The following PDE4D variants were observed in gnomAD, a reference collection of about 807,000 sequenced individuals.
The protein encoded by PDE4D is 3',5'-cyclic-AMP phosphodiesterase 4D.
PDE4D carries 24 observed loss-of-function variants against 87.4 expected under a neutral mutation model. The ratio of observed to expected loss-of-function variants is 0.27; its 90% CI spans 0.20 to 0.39. The LOEUF (loss-of-function observed/expected upper bound fraction) is 0.39. PDE4D is among the 10% of genes least tolerant of loss of function. The probability of loss-of-function intolerance (pLI) is 1.00; values close to 1 mark genes in which losing one functional copy is unlikely to be tolerated. For synonymous variants in PDE4D, 384 were observed against 383.2 expected, an observed-to-expected ratio of 1.00 and a Z score of -0.02; for missense variants, 714 against 1,041.0, an observed-to-expected ratio of 0.69 and a Z score of 4.32.
chr5:59,216,938 C>T (rs1751392677), intron 1 of PDE4D: 1 of 197,328 alleles, frequency 5.1e-6, no homozygotes, highest in Non-Finnish European at 1.0e-5. Flanking sequence ...TTCACCCGGT[C>T]TCCATTCCTA....
At chr5:59,921,267 A>G (rs1469996000) in intron 3 of PDE4D, among the ~76,000 whole-genome samples, 1 of 152,202 alleles carries the variant, frequency 6.6e-6, no homozygotes, top group African/African-American at 2.4e-5. Flanking sequence ...TAGGCAAAAA[A>G]TTAATGTTTT....
chr5:59,154,722 C>T (rs1779916864), intron 5 of PDE4D, among the ~76,000 whole-genome samples: 1 of 152,148 alleles, frequency 6.6e-6, no homozygotes, highest in Non-Finnish European at 1.5e-5. Flanking sequence ...GCTGTCTCTA[C>T]TAAAAATACA....
At chr5:59,592,448 T>C (rs1455446904) in intron 1 of PDE4D, among the ~76,000 whole-genome samples, 1 of 152,050 alleles carries the variant, frequency 6.6e-6, no homozygotes, top group Non-Finnish European at 1.5e-5. Flanking sequence ...CAATCACCAA[T>C]TAGAAAAGAA....
intron 1 of PDE4D, among the ~76,000 whole-genome samples, chr5:59,780,211 A>T (rs1764476848): frequency 6.6e-6 from 1 of 152,182 alleles, no homozygotes; most frequent in Non-Finnish European, 1.5e-5. Flanking sequence ...TAAAAATATT[A>T]AAAAATTAGC....
intron 2 of PDE4D, among the ~76,000 whole-genome samples, chr5:60,045,743 C>A (rs1769151287): frequency 6.6e-6 from 1 of 152,146 alleles, no homozygotes; most frequent in African/African-American, 2.4e-5. Flanking sequence ...GGTACCAGTA[C>A]CATGCTGTTT....
intron 1 of PDE4D, among the ~76,000 whole-genome samples, chr5:59,874,766 G>A (rs931902366): frequency 6.6e-6 from 1 of 152,086 alleles, no homozygotes; most frequent in African/African-American, 2.4e-5. Flanking sequence ...AACCTGACTT[G>A]GTGACTCCCT....
intron 1 of PDE4D, among the ~76,000 whole-genome samples, chr5:59,777,822 A>T (rs1028592175): frequency 9.2e-5 from 14 of 152,042 alleles, no homozygotes; most frequent in African/African-American, 3.4e-4. Flanking sequence ...ATCATAAACC[A>T]TTTTTTTCAA....
intron 1 of PDE4D, among the ~76,000 whole-genome samples, chr5:59,321,669 T>A (rs1432080855): frequency 6.6e-6 from 1 of 152,158 alleles, no homozygotes; most frequent in Non-Finnish European, 1.5e-5. Flanking sequence ...AAGGCAACTT[T>A]TTCTTCACTA....
intron 2 of PDE4D, among the ~76,000 whole-genome samples, chr5:60,046,925 T>A (rs1326870480): frequency 9.2e-5 from 14 of 152,202 alleles, no homozygotes; most frequent in Non-Finnish European, 1.6e-4. Context: ...TTGATTGGAA[T>A]AGTTTCAGAA....
Position 59,342,713 on chromosome 5 carries a change from G to A in PDE4D, c.456-126745C>T, listed in dbSNP as rs539748307. Among the ~76,000 whole-genome samples, 4 of 152,168 alleles carry A rather than the reference G, an allele frequency of 2.6e-5. No homozygotes were observed. The East Asian group carries it at 5.8e-4, about 22-fold the overall frequency. ...AATCCATTTGTGTGTAGGCATCAGGGAGGTCTCATTCTTGTAACCCCAGAA... is the reference window on the plus strand; with the variant it reads ...AATCCATTTGTGTGTAGGCATCAGGAAGGTCTCATTCTTGTAACCCCAGAA... On this transcript the variant is annotated intron_variant, in intron 1 of 14. Coordinates refer to ENST00000340635, the MANE Select transcript of PDE4D (RefSeq NM_001104631.2).
In PDE4D at chr5:59,466,272, A is replaced by G. The variant is rs114232868; in HGVS notation, c.456-250304T>C. Among the ~76,000 whole-genome samples the G allele has an allele frequency of 5.1e-3, 773 of 152,332 alleles. 6 individuals are homozygous for G. Among genetic ancestry groups the G allele is most frequent in the African/African-American group, 0.017 (701 of 41,580 alleles). On this transcript the variant is annotated intron_variant, in intron 1 of 14. Transcript: ENST00000340635. ...TCAGAACTTAAAATACAATTTCTTA[A>G]ACCAAAATTTGTTTTAGTTTCAGCT...
At chr5:59,629,888 G>C (rs2150142673) in intron 1 of PDE4D, among the ~76,000 whole-genome samples, 1 of 152,202 alleles carries the variant, frequency 6.6e-6, no homozygotes, top group South Asian at 2.1e-4. Flanking sequence ...GAGTTAGCAT[G>C]ATCCCTGGGT....
At chr5:59,981,340 C>T (rs1435118350) in intron 3 of PDE4D, among the ~76,000 whole-genome samples, 1 of 152,030 alleles carries the variant, frequency 6.6e-6, no homozygotes, top group African/African-American at 2.4e-5. Flanking sequence ...CAGAACAATG[C>T]TTTAAAATAA....
At chr5:59,397,710 A>C (rs1341856792) in intron 1 of PDE4D, among the ~76,000 whole-genome samples, 2 of 118,444 alleles carry the variant, frequency 1.7e-5, no homozygotes, top group Non-Finnish European at 3.6e-5. Flanking sequence ...AGCTAGCAGA[A>C]GGTAAGAAAT....
intron 2 of PDE4D, among the ~76,000 whole-genome samples, chr5:60,031,204 A>T (rs1159737181): frequency 6.6e-6 from 1 of 152,204 alleles, no homozygotes; most frequent in Non-Finnish European, 1.5e-5. Flanking sequence ...AGGATTAACC[A>T]CCTATGATTA....
At chr5:59,625,498 C>T (rs985158475) in intron 1 of PDE4D, among the ~76,000 whole-genome samples, 5 of 147,840 alleles carry the variant, frequency 3.4e-5, no homozygotes, top group African/African-American at 7.5e-5. Context: ...TAAAGAGCTG[C>T]GACATTAAAA....
At chr5:59,284,953 A>G (rs997072748) in intron 1 of PDE4D, among the ~76,000 whole-genome samples, 1 of 64,124 alleles carries the variant, frequency 1.6e-5, no homozygotes, top group Middle Eastern at 5.1e-3. Flanking sequence ...TCAGTAAACT[A>G]TCGCAAGAAC....
At chr5:60,347,513 C>A (rs1758834543) in intron 1 of PDE4D, among the ~76,000 whole-genome samples, 1 of 152,120 alleles carries the variant, frequency 6.6e-6, no homozygotes, top group African/African-American at 2.4e-5. Context: ...TTATTTCCAG[C>A]AATATACTAG....
intron 1 of PDE4D, among the ~76,000 whole-genome samples, chr5:59,530,402 A>T (rs1813990887): frequency 6.6e-6 from 1 of 152,198 alleles, no homozygotes; most frequent in Non-Finnish European, 1.5e-5. Context: ...CTTCAGGCAG[A>T]TACCAAAATC....
Sources: allele counts gnomAD v4.1 joint callset (sites outside exome capture counted in the v4.1 genomes callset), GRCh38; gene constraint gnomAD v4.1.1; transcripts MANE v1.5; gene names NCBI Gene and HGNC (gene_info 2026-07-23, HGNC 2026-07-21).